Variants in SLC9A9 observed in about 807,000 individuals in gnomAD.
SLC9A9 encodes the protein solute carrier family 9 member A9.
SLC9A9 carries 62 observed loss-of-function variants against 77.8 expected under a neutral mutation model. The ratio of observed to expected loss-of-function variants is 0.80; its 90% CI spans 0.65 to 0.98. The LOEUF is 0.98. SLC9A9 is among the 50% of genes least tolerant of loss of function. The pLI is 0.00. For synonymous variants in SLC9A9, 320 were observed against 283.5 expected, an observed-to-expected ratio of 1.13 and a Z score of -1.29; for missense variants, 775 against 774.9, an observed-to-expected ratio of 1.00 and a Z score of 0.00.
chr3:143,760,892 T>TA (rs1156324702), intron 4 of SLC9A9, among the ~76,000 whole-genome samples: 3 of 152,198 alleles, frequency 2.0e-5, no homozygotes, highest in Non-Finnish European at 4.4e-5. Flanking sequence ...AAGACAATCC[T>TA]AAGCCAAAAG....
chr3:143,606,046 A>G lies in SLC9A9; in HGVS notation c.756-27323T>C, dbSNP rs1337271559. Among the ~76,000 whole-genome samples, 3 of 152,186 alleles carry G rather than the reference A, an allele frequency of 2.0e-5. No homozygotes were observed. The East Asian group carries it at 5.8e-4, about 29-fold the overall frequency. ...GGGTGCTGCTTTAACTGACCTGAAGAATCATATAAATTAATATCCTTCTCA... is the reference window on the plus strand; with the variant it reads ...GGGTGCTGCTTTAACTGACCTGAAGGATCATATAAATTAATATCCTTCTCA... On this transcript the variant is annotated intron_variant, in intron 6 of 15. Transcript: ENST00000316549.
intron 13 of SLC9A9, among the ~76,000 whole-genome samples, chr3:143,380,373 A>C (rs749850552): frequency 4.6e-5 from 7 of 151,770 alleles, no homozygotes; most frequent in Non-Finnish European, 1.0e-4. Flanking sequence ...AGTTAGAAGA[A>C]GACAGAGAAT....
At chr3:143,577,710 G>A (rs2037384068) in intron 7 of SLC9A9, among the ~76,000 whole-genome samples, 1 of 152,030 alleles carries the variant, frequency 6.6e-6, no homozygotes. Context: ...TGAATGTCTG[G>A]GCAAGACCCC....
At chr3:143,522,172 C>T (rs1368922809) in intron 9 of SLC9A9, among the ~76,000 whole-genome samples, 3 of 152,164 alleles carry the variant, frequency 2.0e-5, no homozygotes, top group Non-Finnish European at 4.4e-5. Context: ...GTTTAAATTT[C>T]TTAGGAATAC....
At chr3:143,741,877 T>A (rs1176627355) in intron 4 of SLC9A9, among the ~76,000 whole-genome samples, 1 of 152,148 alleles carries the variant, frequency 6.6e-6, no homozygotes, top group Non-Finnish European at 1.5e-5. Context: ...TTCCTGGGCG[T>A]AGGCTGAGTT....
chr3:143,741,899 A>G (rs1935083070), intron 4 of SLC9A9, among the ~76,000 whole-genome samples: 1 of 152,050 alleles, frequency 6.6e-6, no homozygotes, highest in African/African-American at 2.4e-5. Flanking sequence ...ACTTTGGGAG[A>G]AACTTAGCTT....
At chr3:143,558,027 A>C (rs566580139) in intron 8 of SLC9A9, among the ~76,000 whole-genome samples, 1 of 152,300 alleles carries the variant, frequency 6.6e-6, no homozygotes, top group Admixed American at 6.5e-5. Context: ...TAGGAGAAAA[A>C]AATGGTTTAA....
chr3:143,472,825 C>T (rs2035400827), intron 11 of SLC9A9, among the ~76,000 whole-genome samples: 1 of 152,206 alleles, frequency 6.6e-6, no homozygotes, highest in South Asian at 2.1e-4. Flanking sequence ...AGAATAGTTT[C>T]TACAAGTTCA....
rs189462641 is a variant in SLC9A9, at chr3:143,632,427, T to C, written c.755+19828A>G. Among the ~76,000 whole-genome samples the C allele has an allele frequency of 2.9e-3, 434 of 152,086 alleles. 1 individual carries two copies. Among genetic ancestry groups the C allele is most frequent in the African/African-American group, 8.8e-3 (365 of 41,488 alleles). ...CCAATTATGTTTGGCCATCACATGG[T>C]TTAAAATAAAAATTGAACCTGAGGC... On this transcript the variant is annotated intron_variant, in intron 6 of 15. Transcript: ENST00000316549.
chr3:143,297,457 A>G (rs749301294), intron 14 of SLC9A9, among the ~76,000 whole-genome samples: 1 of 152,324 alleles, frequency 6.6e-6, no homozygotes, highest in South Asian at 2.1e-4. Context: ...ATAATTTGAA[A>G]TCAGGAAGTG....
chr3:143,806,471 C>T (rs940422738), intron 2 of SLC9A9, among the ~76,000 whole-genome samples: 2 of 152,106 alleles, frequency 1.3e-5, no homozygotes, highest in African/African-American at 4.8e-5. Flanking sequence ...GCCTTCTCCT[C>T]TGCCAGTGCC....
chr3:143,510,075 A>T (rs887270299), intron 9 of SLC9A9, among the ~76,000 whole-genome samples: 1 of 152,230 alleles, frequency 6.6e-6, no homozygotes, highest in Non-Finnish European at 1.5e-5. Context: ...AAATGTGGAT[A>T]TGAAAGAAAG....
At chr3:143,816,221 C>T (rs4839661) in intron 2 of SLC9A9, among the ~76,000 whole-genome samples, 132,471 of 152,108 alleles carry the variant, frequency 0.87, 58,735 homozygotes, top group Middle Eastern at 0.96. Context: ...TTATTATATT[C>T]GAGACAGGGT....
chr3:143,541,756 T>C (rs1177369239), intron 9 of SLC9A9, among the ~76,000 whole-genome samples: 1 of 152,206 alleles, frequency 6.6e-6, no homozygotes, highest in African/African-American at 2.4e-5. Context: ...ATAGTTTCCC[T>C]TAGCTCTGAA....
intron 6 of SLC9A9, among the ~76,000 whole-genome samples, chr3:143,636,295 A>T (rs9862274): frequency 6.6e-6 from 1 of 151,994 alleles, no homozygotes; most frequent in Non-Finnish European, 1.5e-5. Context: ...ATTACATGTT[A>T]TCATTAATTG....
chr3:143,526,052 C>T (rs1391729467), intron 9 of SLC9A9, among the ~76,000 whole-genome samples: 2 of 152,190 alleles, frequency 1.3e-5, no homozygotes, highest in African/African-American at 4.8e-5. Flanking sequence ...TATGAATATA[C>T]TATGCAGTAA....
At chr3:143,530,628 C>G (rs1450561060) in intron 9 of SLC9A9, among the ~76,000 whole-genome samples, 1 of 151,324 alleles carries the variant, frequency 6.6e-6, no homozygotes, top group African/African-American at 2.4e-5. Context: ...TCAAGTCCAT[C>G]AGAAATCTGA....
intron 5 of SLC9A9, 22 bp from the exon 6 acceptor site, chr3:143,652,382 T>G (rs375267399): frequency 6.3e-7 from 1 of 1,593,726 alleles, no homozygotes; most frequent in South Asian, 1.1e-5. Context: ...CACACAAACA[T>G]GCAGGTTAGC....
chr3:143,810,503 C>T (rs987766976), intron 2 of SLC9A9, among the ~76,000 whole-genome samples: 4 of 152,214 alleles, frequency 2.6e-5, no homozygotes, highest in African/African-American at 7.2e-5. Context: ...ATGCAATTAT[C>T]CCCATTTTCC....
Sources: gnomAD v4.1 joint callset for allele counts (sites outside exome capture counted in the v4.1 genomes callset) on GRCh38, gnomAD v4.1.1 for gene constraint, MANE v1.5 for transcripts, NCBI Gene and HGNC (gene_info 2026-07-23, HGNC 2026-07-21) for gene names.